Variants in STXBP4 observed in about 807,000 individuals in gnomAD.
The protein encoded by STXBP4 is syntaxin binding protein 4, also known as syntaxin-binding protein 4.
A neutral mutation model predicts 76.1 loss-of-function variants in STXBP4; 55 were observed. That is an observed-to-expected ratio of 0.72 (90% CI 0.58 to 0.91). STXBP4 has a LOEUF of 0.91. Among genes scored for constraint, STXBP4 ranks in the 40% least tolerant of loss-of-function variants. STXBP4 has a pLI of 0.00. For missense variants in STXBP4, 618 were observed against 636.9 expected, an observed-to-expected ratio of 0.97 and a Z score of 0.32; for synonymous variants, 201 against 220.2, an observed-to-expected ratio of 0.91 and a Z score of 0.77.
chr17:55,134,687 A>G (rs1323534004), intron 16 of STXBP4, among the ~76,000 whole-genome samples: 2 of 152,140 alleles, frequency 1.3e-5, no homozygotes, highest in Non-Finnish European at 2.9e-5. Flanking sequence ...TGAGAAGATC[A>G]TTTCATCCTA....
chr17:55,003,641 AG>A (rs2077955519), intron 7 of STXBP4, among the ~76,000 whole-genome samples: 1 of 152,362 alleles, frequency 6.6e-6, no homozygotes, highest in Admixed American at 6.5e-5. Context: ...CCTCAACAAA[AG>A]TAAATGTAAT....
intron 12 of STXBP4, among the ~76,000 whole-genome samples, chr17:55,065,553 GA>G (rs1185820056): frequency 2.0e-5 from 3 of 151,880 alleles, no homozygotes; most frequent in Non-Finnish European, 4.4e-5. Context: ...CTGCAATTAT[GA>G]AAGGAAGTTT....
chr17:55,175,399 C>A (rs1321469349), downstream of STXBP4, among the ~76,000 whole-genome samples: 1 of 152,170 alleles, frequency 6.6e-6, no homozygotes, highest in Non-Finnish European at 1.5e-5. Flanking sequence ...AGGCAGCAAT[C>A]TGGAGCTGTC....
At chr17:55,190,542 C>T in the STXBP4 span, among the ~76,000 whole-genome samples, 3 of 152,154 alleles carry the variant, frequency 2.0e-5, no homozygotes, top group Admixed American at 6.5e-5. Flanking sequence ...ACTATAAAGT[C>T]TGTGATCTCC....
At chr17:55,002,249 T>C (rs1221766871) in intron 7 of STXBP4, among the ~76,000 whole-genome samples, 5 of 152,124 alleles carry the variant, frequency 3.3e-5, no homozygotes. Flanking sequence ...TTATAAAATA[T>C]TAATAATTAT....
chr17:55,016,453 A>G (rs1157040912), intron 8 of STXBP4, among the ~76,000 whole-genome samples: 1 of 152,206 alleles, frequency 6.6e-6, no homozygotes, highest in Non-Finnish European at 1.5e-5. Context: ...AATTCGTTTC[A>G]GAGAGGGTGT....
At chr17:55,132,440 C>T (rs998173531) in intron 16 of STXBP4, among the ~76,000 whole-genome samples, 6 of 152,112 alleles carry the variant, frequency 3.9e-5, no homozygotes, top group Non-Finnish European at 8.8e-5. Context: ...CTGCCCTCCT[C>T]AGCCTCCCAA....
rs1351976981 is a variant in STXBP4 at position 55,081,194 on chromosome 17, T to C, written c.1489+11T>C. On this transcript the variant is annotated intron_variant, in intron 16 of 17. Transcript: ENST00000376352. ...TACTTGATATGGATTGTAAGTTTTCTGCATTTTTTCACTTTTTAAAAGTAA... is the reference window on the plus strand; with the variant it reads ...TACTTGATATGGATTGTAAGTTTTCCGCATTTTTTCACTTTTTAAAAGTAA... The C allele has an allele frequency of 7.7e-6, 11 of 1,437,868 alleles. No homozygotes were observed. The highest frequency in any genetic ancestry group is 1.0e-5 in the Non-Finnish European group (11 of 1,091,758). The allele number at this position is 1,437,868 out of a possible 1,614,324, so 89.1% of individuals were successfully genotyped here. A position where few individuals can be genotyped will look rare whatever the true frequency, so the allele number is the denominator to read the frequency against.
chr17:55,044,969 G>A (rs549837158), intron 11 of STXBP4, among the ~76,000 whole-genome samples: 12 of 151,654 alleles, frequency 7.9e-5, no homozygotes, highest in African/African-American at 2.9e-4. Flanking sequence ...TAGTTATTTG[G>A]CCAGTTCCCT....
At chr17:55,019,029 G>GAA (rs1489377900) in intron 8 of STXBP4, among the ~76,000 whole-genome samples, 5 of 152,078 alleles carry the variant, frequency 3.3e-5, no homozygotes, top group African/African-American at 1.2e-4. Flanking sequence ...AGTATATGCT[G>GAA]AAAAAAATAA....
chr17:55,027,189 C>T (rs2078431425), intron 8 of STXBP4, among the ~76,000 whole-genome samples: 1 of 152,168 alleles, frequency 6.6e-6, no homozygotes, highest in Non-Finnish European at 1.5e-5. Context: ...CTCCAAACCC[C>T]ACAGGGGCCA....
At position 55,163,217 on chromosome 17, in the gene STXBP4, G is replaced by GGT. The variant is rs2080352616; in HGVS notation, c.*3307_*3308dup. 1.1e-5 allele frequency: 1 copy of GGT among 94,356 alleles called. No homozygotes were observed. The highest frequency in any genetic ancestry group is 2.1e-5 in the Non-Finnish European group (1 of 47,482). 5.8% of individuals were successfully genotyped at this position (94,356 alleles called of 1,614,324 possible). A position where few individuals can be genotyped will look rare whatever the true frequency, so the allele number is the denominator to read the frequency against. On this transcript the variant is annotated 3_prime_UTR_variant, in exon 18 of 18. Coordinates refer to ENST00000376352, the MANE Select transcript of STXBP4 (RefSeq NM_178509.6). ...TCCAAATGTTCCTATAGATTTTCTG[G>GGT]GTTTTTTTTTTTTTTTTGTCCTTGG...
At chr17:55,138,937 C>T (rs1413861223) in intron 16 of STXBP4, among the ~76,000 whole-genome samples, 1 of 151,992 alleles carries the variant, frequency 6.6e-6, no homozygotes, top group African/African-American at 2.4e-5. Flanking sequence ...GTCTCTAGGT[C>T]TGTCTTTTAT....
At chr17:55,123,526 T>G (rs982807541) in intron 16 of STXBP4, among the ~76,000 whole-genome samples, 8 of 152,124 alleles carry the variant, frequency 5.3e-5, no homozygotes, top group African/African-American at 1.9e-4. Context: ...ATGTAGAAAT[T>G]AAATATTGTG....
intron 16 of STXBP4, among the ~76,000 whole-genome samples, chr17:55,098,320 T>C (rs1028063376): frequency 2.0e-5 from 3 of 152,134 alleles, no homozygotes; most frequent in Non-Finnish European, 4.4e-5. Context: ...ATATAAAGAT[T>C]GAAATAATAA....
intron 8 of STXBP4, among the ~76,000 whole-genome samples, chr17:55,018,322 T>C (rs912847549): frequency 1.3e-5 from 2 of 152,104 alleles, no homozygotes; most frequent in East Asian, 1.9e-4. Context: ...CTCTGCCGGA[T>C]TGAGAGGGAT....
intron 8 of STXBP4, among the ~76,000 whole-genome samples, chr17:55,028,188 T>C (rs2078447486): frequency 6.6e-6 from 1 of 152,122 alleles, no homozygotes; most frequent in African/African-American, 2.4e-5. Context: ...AGATAATTCT[T>C]ACAGCTGCTG....
At chr17:55,127,670 C>T (rs571558162) in intron 16 of STXBP4, among the ~76,000 whole-genome samples, 1 of 152,058 alleles carries the variant, frequency 6.6e-6, no homozygotes, top group African/African-American at 2.4e-5. Flanking sequence ...AAAAATAACC[C>T]TCTATGAAGG....
At chr17:54,975,267 T>TA (rs1396152886) in intron 1 of STXBP4, among the ~76,000 whole-genome samples, 1 of 152,058 alleles carries the variant, frequency 6.6e-6, no homozygotes, top group Non-Finnish European at 1.5e-5. Flanking sequence ...GCCTCCTGAG[T>TA]AGTAGCTGGG....
Sources: allele counts gnomAD v4.1 joint callset (sites outside exome capture counted in the v4.1 genomes callset), GRCh38; gene constraint gnomAD v4.1.1; transcripts MANE v1.5; gene names NCBI Gene and HGNC (gene_info 2026-07-23, HGNC 2026-07-21).